UNC5D: variants seen among roughly 807,000 people sequenced by gnomAD.
UNC5D encodes the protein unc-5 netrin receptor D, also known as netrin receptor UNC5D.
UNC5D carries 39 observed loss-of-function variants against 105.4 expected under a neutral mutation model. The observed-to-expected ratio is 0.37, with a 90% CI of 0.29 to 0.48. The LOEUF is 0.48. UNC5D is among the 20% of genes least tolerant of loss of function. The pLI, the probability that UNC5D is intolerant of heterozygous loss-of-function variation, is 0.98. For missense variants in UNC5D, 991 were observed against 1,202.4 expected, an observed-to-expected ratio of 0.82 and a Z score of 2.60; for synonymous variants, 452 against 450.4, an observed-to-expected ratio of 1.00 and a Z score of -0.04.
chr8:35,333,110 GTA>G (rs1810750389), intron 1 of UNC5D, among the ~76,000 whole-genome samples: 1 of 152,126 alleles, frequency 6.6e-6, no homozygotes, highest in African/African-American at 2.4e-5. Context: ...CCCTTTGGAA[GTA>G]TGAGGTGAGA....
At chr8:35,726,112 C>G (rs757882768) in intron 9 of UNC5D, 40 bp from the exon 10 acceptor site, 10 of 1,577,018 alleles carry the variant, frequency 6.3e-6, no homozygotes, top group Admixed American at 3.5e-5. Context: ...ACTGAGATGC[C>G]TTTTAGTTTC....
chr8:35,645,114 C>T (rs775577575), intron 4 of UNC5D, among the ~76,000 whole-genome samples: 13 of 152,096 alleles, frequency 8.5e-5, no homozygotes, highest in African/African-American at 1.2e-4. Context: ...AGTTCACACA[C>T]GCAGATTACA....
At chr8:35,684,453 T>C in intron 5 of UNC5D, 129 bp from the exon 6 acceptor site, 1 of 1,049,606 alleles carries the variant, frequency 9.5e-7, no homozygotes, top group Non-Finnish European at 1.3e-6. Context: ...GAGCAGCCAG[T>C]GGGGGCTGCA....
In UNC5D at chr8:35,329,282, G is replaced by A. The variant is rs185526284; in HGVS notation, c.103+93395G>A. Among the ~76,000 whole-genome samples the A allele has an allele frequency of 4.1e-3, 627 of 151,642 alleles. 1 individual carries two copies. The highest frequency in any genetic ancestry group is 5.7e-3 in the Non-Finnish European group (385 of 67,916). Reference sequence around the variant, plus strand: ...GCCATACTATCGTCTCCAGAGTTTCGGCTCTATTTTTGTCCTCTAGGAAGA... The same window carrying A: ...GCCATACTATCGTCTCCAGAGTTTCAGCTCTATTTTTGTCCTCTAGGAAGA... On this transcript the variant is annotated intron_variant, in intron 1 of 16. Coordinates refer to ENST00000404895, the MANE Select transcript of UNC5D (RefSeq NM_080872.4).
At chr8:35,340,625 C>T (rs907573081) in intron 1 of UNC5D, among the ~76,000 whole-genome samples, 11 of 152,154 alleles carry the variant, frequency 7.2e-5, no homozygotes, top group African/African-American at 9.7e-5. Flanking sequence ...TTGTTCACCT[C>T]TTTGCAATTT....
At chr8:35,777,304 A>T (rs1802295303) in intron 16 of UNC5D, among the ~76,000 whole-genome samples, 1 of 151,908 alleles carries the variant, frequency 6.6e-6, no homozygotes, top group African/African-American at 2.4e-5. Context: ...AGCTATTTGG[A>T]AGGCTGAGGC....
In UNC5D at chr8:35,793,366, T is replaced by G. The variant is rs1416191395; in HGVS notation, c.*2803T>G. The G allele has an allele frequency of 8.7e-6, 2 of 230,632 alleles. No individual in the cohort carries two copies. Among genetic ancestry groups the G allele is most frequent in the Non-Finnish European group, 1.8e-5 (2 of 112,966 alleles). The allele number at this position is 230,632 out of a possible 1,614,324, so 14.3% of individuals were successfully genotyped here. A position where few individuals can be genotyped will look rare whatever the true frequency, so the allele number is the denominator to read the frequency against. On this transcript the variant is annotated 3_prime_UTR_variant, in exon 17 of 17. Transcript: ENST00000404895. ...ATTTAGTCCTATTGTAATATGTGCC[T>G]GTCACAACACAAATACCCCTCTTGA...
intron 1 of UNC5D, among the ~76,000 whole-genome samples, chr8:35,279,153 T>G (rs1367146937): frequency 1.3e-5 from 2 of 152,212 alleles, no homozygotes; most frequent in Non-Finnish European, 2.9e-5. Context: ...CCACGGAGTA[T>G]GCTGAATTCT....
At chr8:35,786,052 G>T (rs920472092) in intron 16 of UNC5D, among the ~76,000 whole-genome samples, 1 of 152,050 alleles carries the variant, frequency 6.6e-6, no homozygotes, top group Admixed American at 6.6e-5. Context: ...CACTTACTGC[G>T]ACCTTCTAGG....
chr8:35,237,267 C>A (rs1802535239), intron 1 of UNC5D, among the ~76,000 whole-genome samples: 1 of 147,036 alleles, frequency 6.8e-6, no homozygotes, highest in Non-Finnish European at 1.5e-5. Flanking sequence ...TGATTGTACA[C>A]CCTGGGTTAT....
chr8:35,238,586 T>G (rs946076029), intron 1 of UNC5D, among the ~76,000 whole-genome samples: 2 of 152,150 alleles, frequency 1.3e-5, no homozygotes, highest in Non-Finnish European at 2.9e-5. Context: ...TACTGATTTG[T>G]TTTTGTTCTT....
chr8:35,754,828 G>T (rs1280506668), intron 13 of UNC5D, among the ~76,000 whole-genome samples: 1 of 152,064 alleles, frequency 6.6e-6, no homozygotes, highest in Non-Finnish European at 1.5e-5. Flanking sequence ...TGTTTACCTG[G>T]CTAAGACATA....
chr8:35,778,310 T>C (rs1388595035), intron 16 of UNC5D, among the ~76,000 whole-genome samples: 9 of 152,192 alleles, frequency 5.9e-5, no homozygotes, highest in Non-Finnish European at 1.3e-4. Flanking sequence ...TAGCTAATTA[T>C]ATTTTGCAGA....
chr8:35,788,130 A>C (rs1802834101), intron 16 of UNC5D, among the ~76,000 whole-genome samples: 1 of 152,318 alleles, frequency 6.6e-6, no homozygotes, highest in Non-Finnish European at 1.5e-5. Flanking sequence ...AACTGACTGT[A>C]AACAGGATCT....
intron 16 of UNC5D, among the ~76,000 whole-genome samples, chr8:35,777,202 C>T (rs898710792): frequency 6.6e-6 from 1 of 151,938 alleles, no homozygotes; most frequent in East Asian, 1.9e-4. Context: ...TGCAGTGAGC[C>T]GAGATCGCAT....
chr8:35,636,881 G>C (rs982692833), intron 4 of UNC5D, among the ~76,000 whole-genome samples: 1 of 152,178 alleles, frequency 6.6e-6, no homozygotes, highest in Non-Finnish European at 1.5e-5. Context: ...TCTGGCAGTG[G>C]GTAAGTCAAA....
At chr8:35,464,170 C>G (rs1015004684) in intron 1 of UNC5D, among the ~76,000 whole-genome samples, 1 of 151,928 alleles carries the variant, frequency 6.6e-6, no homozygotes, top group African/African-American at 2.4e-5. Context: ...CTACTAAAAG[C>G]ACAAAAATTA....
chr8:35,717,702 C>A (rs1586517704), intron 8 of UNC5D, among the ~76,000 whole-genome samples: 1 of 152,186 alleles, frequency 6.6e-6, no homozygotes, highest in Non-Finnish European at 1.5e-5. Flanking sequence ...ATGGTAATAT[C>A]TAACCAGAGT....
chr8:35,421,284 C>T (rs979397104), intron 1 of UNC5D, among the ~76,000 whole-genome samples: 9 of 152,162 alleles, frequency 5.9e-5, no homozygotes, highest in African/African-American at 2.2e-4. Flanking sequence ...AGGCTTTGTG[C>T]TAGGTAACTT....
Sources: gnomAD v4.1 joint callset for allele counts (sites outside exome capture counted in the v4.1 genomes callset) on GRCh38, gnomAD v4.1.1 for gene constraint, MANE v1.5 for transcripts, NCBI Gene and HGNC (gene_info 2026-07-23, HGNC 2026-07-21) for gene names.